The following FIGN variants were observed in gnomAD, a reference collection of about 807,000 sequenced individuals.
The protein encoded by FIGN is fidgetin.
In FIGN, 11 loss-of-function variants were observed where a neutral mutation model predicts 51.3. The ratio of observed to expected loss-of-function variants is 0.21; its 90% confidence interval spans 0.13 to 0.35. The LOEUF (loss-of-function observed/expected upper bound fraction) is 0.35, where lower values mean the gene tolerates loss of function less well. FIGN is among the 10% of genes least tolerant of loss of function. FIGN has a pLI of 1.00. For synonymous variants in FIGN, 407 were observed against 363.2 expected (o/e 1.12, Z -1.37); for missense variants, 857 against 943.6 (o/e 0.91, Z 1.20).
At chr2:163,682,620 G>T (rs1054240996) in intron 2 of FIGN, among the ~76,000 whole-genome samples, 2 of 152,170 alleles carry the variant, frequency 1.3e-5, no homozygotes, top group African/African-American at 4.8e-5. Context: ...GCAGAAGTAG[G>T]ATGAGACCTG....
intron 2 of FIGN, among the ~76,000 whole-genome samples, chr2:163,724,137 T>TTA (rs1309013633): frequency 8.5e-5 from 13 of 152,214 alleles, no homozygotes; most frequent in African/African-American, 3.1e-4. Context: ...AAACTAAGGC[T>TTA]CAGTGAGGTT....
chr2:163,666,024 A>G (rs1372698890), intron 2 of FIGN, among the ~76,000 whole-genome samples: 1 of 152,220 alleles, frequency 6.6e-6, no homozygotes, highest in Non-Finnish European at 1.5e-5. Context: ...TGAATCAGCA[A>G]TGAACACTCA....
chr2:163,664,632 T>C (rs1683744482), intron 2 of FIGN, among the ~76,000 whole-genome samples: 1 of 152,166 alleles, frequency 6.6e-6, no homozygotes, highest in African/African-American at 2.4e-5. Context: ...CTAAATCTAC[T>C]CGTAGGCCAG....
At chr2:163,652,350 A>ACACG (rs1683490452) in intron 2 of FIGN, among the ~76,000 whole-genome samples, 1 of 132,992 alleles carries the variant, frequency 7.5e-6, no homozygotes, top group Admixed American at 7.5e-5. Context: ...ACCAACACAC[A>ACACG]CACACACACA....
chr2:163,666,712 G>A (rs1248000728), intron 2 of FIGN, among the ~76,000 whole-genome samples: 1 of 152,010 alleles, frequency 6.6e-6, no homozygotes, highest in Admixed American at 6.6e-5. Flanking sequence ...AAAATATCAA[G>A]GTAATTTTCT....
rs758951423 is a variant in FIGN, at chr2:163,611,667, C to T, written c.165G>A (p.Ala55=). ...HLQRTYQYAW[A]NDDISALTAS... Reference sequence around the variant, plus strand: ...CAGTCAGAGCAGATATGTCATCATTCGCCCAGGCGTACTGATAGGTGCGCT... The same window carrying T: ...CAGTCAGAGCAGATATGTCATCATTTGCCCAGGCGTACTGATAGGTGCGCT... Residue 55 remains alanine (A), a synonymous_variant, in exon 3 of 3, where the codon GCG becomes GCA. Transcript: ENST00000333129. The T allele has an allele frequency of 1.2e-5, 20 of 1,614,010 alleles. 1 individual carries two copies. Among genetic ancestry groups the T allele is most frequent in the Middle Eastern group, 3.3e-4 (2 of 6,082 alleles).
intron 2 of FIGN, among the ~76,000 whole-genome samples, chr2:163,657,846 T>G (rs1683587736): frequency 6.6e-6 from 1 of 152,142 alleles, no homozygotes; most frequent in African/African-American, 2.4e-5. Context: ...ATTTTAGATA[T>G]ATATGGTAAT....
chr2:163,693,222 T>C (rs1004446926), intron 2 of FIGN, among the ~76,000 whole-genome samples: 4 of 151,614 alleles, frequency 2.6e-5, no homozygotes, highest in Non-Finnish European at 5.9e-5. Context: ...TAGTCAAGAG[T>C]GGGATGTAGG....
chr2:163,634,546 C>T (rs1300308874), intron 2 of FIGN, among the ~76,000 whole-genome samples: 1 of 152,050 alleles, frequency 6.6e-6, no homozygotes, highest in African/African-American at 2.4e-5. Flanking sequence ...TCCCTGAGGT[C>T]GCTTATCTTT....
At chr2:163,672,754 CAT>C (rs1683898130) in intron 2 of FIGN, among the ~76,000 whole-genome samples, 1 of 152,162 alleles carries the variant, frequency 6.6e-6, no homozygotes, top group Non-Finnish European at 1.5e-5. Context: ...TTCTGTTGTT[CAT>C]AGAGTCATAT....
intron 2 of FIGN, among the ~76,000 whole-genome samples, chr2:163,633,266 G>A (rs1022109555): frequency 3.3e-5 from 5 of 152,190 alleles, no homozygotes; most frequent in African/African-American, 4.8e-5. Context: ...TCTATAGTTA[G>A]ATGTGTATAA....
chr2:163,656,865 T>C (rs1041349312), intron 2 of FIGN, among the ~76,000 whole-genome samples: 2 of 152,132 alleles, frequency 1.3e-5, no homozygotes, highest in African/African-American at 4.8e-5. Flanking sequence ...TCATCTACCT[T>C]TAGAGCCCAG....
chr2:163,674,827 A>T (rs913348474), intron 2 of FIGN, among the ~76,000 whole-genome samples: 1 of 152,190 alleles, frequency 6.6e-6, no homozygotes, highest in Non-Finnish European at 1.5e-5. Flanking sequence ...TGACAAAAAA[A>T]AAATAGTAAG....
chr2:163,651,421 A>G (rs758504197), intron 2 of FIGN, among the ~76,000 whole-genome samples: 20 of 152,168 alleles, frequency 1.3e-4, no homozygotes, highest in Non-Finnish European at 2.6e-4. Flanking sequence ...AAGCCACTGC[A>G]CTCCAGCCTG....
intron 2 of FIGN, among the ~76,000 whole-genome samples, chr2:163,681,020 C>T (rs1684054333): frequency 6.6e-6 from 1 of 152,182 alleles, no homozygotes; most frequent in Non-Finnish European, 1.5e-5. Context: ...AGCAATAGTG[C>T]TGTTATTACG....
At chr2:163,651,289 C>T (rs893335986) in intron 2 of FIGN, among the ~76,000 whole-genome samples, 15 of 151,980 alleles carry the variant, frequency 9.9e-5, no homozygotes, top group African/African-American at 2.2e-4. Context: ...GGTGAAACCC[C>T]GTCTCTACTA....
In FIGN at chr2:163,697,092, T is replaced by TTTC. The variant is rs1422858128; in HGVS notation, c.25+37808_25+37810dup. ...CACATTGTGTCATAATTTTTTTTCT[T>TTTC]TTCTTTTCTTTCTTTTTTTTTTTTT... is the stretch of plus-strand genomic sequence containing the variant. On this transcript the variant is annotated intron_variant, in intron 2 of 2. Coordinates refer to ENST00000333129, the MANE Select transcript of FIGN (RefSeq NM_018086.4). Among the ~76,000 whole-genome samples the TTTC allele has an allele frequency of 1.2e-3, 173 of 138,952 alleles. 1 individual carries two copies. The highest frequency in any genetic ancestry group is 4.8e-3 in the African/African-American group (165 of 34,078). The allele number at this position is 138,952 out of a possible 152,430, so 91.2% of individuals were successfully genotyped here. A position where few individuals can be genotyped will look rare whatever the true frequency, so the allele number is the denominator to read the frequency against.
At chr2:163,673,112 C>T (rs1683904684) in intron 2 of FIGN, among the ~76,000 whole-genome samples, 1 of 152,022 alleles carries the variant, frequency 6.6e-6, no homozygotes, top group African/African-American at 2.4e-5. Context: ...AATAAAAAGA[C>T]ATCCCTTATT....
At chr2:163,669,878 T>C (rs1476678963) in intron 2 of FIGN, among the ~76,000 whole-genome samples, 2 of 152,170 alleles carry the variant, frequency 1.3e-5, no homozygotes, top group Non-Finnish European at 2.9e-5. Context: ...CCTTAGAACA[T>C]GGGTAAGTAG....
Sources: allele counts gnomAD v4.1 joint callset (sites outside exome capture counted in the v4.1 genomes callset), GRCh38; gene constraint gnomAD v4.1.1; transcripts MANE v1.5; gene names NCBI Gene and HGNC (gene_info 2026-07-23, HGNC 2026-07-21).